The following WWOX variants were observed in gnomAD, a reference collection of about 807,000 sequenced individuals.
The protein encoded by WWOX is WW domain containing oxidoreductase.
Under a neutral mutation model 46.2 loss-of-function variants are expected in WWOX, and 69 were observed. The ratio of observed to expected loss-of-function variants is 1.49; its 90% CI spans 1.23 to 1.82. WWOX has a LOEUF of 1.82. Among genes scored for constraint, WWOX ranks in the 40% most tolerant of loss-of-function variants. The pLI is 0.00. For synonymous variants in WWOX, 359 were observed against 202.6 expected, an observed-to-expected ratio of 1.77 and a Z score of -6.56; for missense variants, 919 against 542.6, an observed-to-expected ratio of 1.69 and a Z score of -6.89.
chr16:78,739,422 C>G (rs1313960425), intron 8 of WWOX, among the ~76,000 whole-genome samples: 1 of 152,168 alleles, frequency 6.6e-6, no homozygotes, highest in African/African-American at 2.4e-5. Flanking sequence ...TCAGAAGGCA[C>G]ACTACACATC....
intron 8 of WWOX, among the ~76,000 whole-genome samples, chr16:78,899,892 T>A (rs917525608): frequency 2.0e-5 from 3 of 152,164 alleles, no homozygotes; most frequent in Non-Finnish European, 4.4e-5. Context: ...TTAACACTTG[T>A]TCCTCTCTGT....
At chr16:78,629,150 C>A (rs1015098619) in intron 8 of WWOX, among the ~76,000 whole-genome samples, 3 of 152,008 alleles carry the variant, frequency 2.0e-5, no homozygotes, top group Admixed American at 2.0e-4. Context: ...CACCACTGCT[C>A]GCATTCCCAT....
rs1269021259 is a variant in WWOX at position 78,617,294 on chromosome 16, T to TA, written c.1056+184543dup. Among the ~76,000 whole-genome samples, 16 of 151,342 alleles carry TA rather than the reference T, an allele frequency of 1.1e-4. No individual in the cohort carries two copies. The East Asian group carries it at 2.9e-3, about 28-fold the overall frequency. Reference sequence around the variant, plus strand: ...GCGTGCACCTGTGGCCTCAGCTACTTAGGAGGCTGAGGTGGAAGGATCACT... The same window carrying TA: ...GCGTGCACCTGTGGCCTCAGCTACTTAAGGAGGCTGAGGTGGAAGGATCACT... On this transcript the variant is annotated intron_variant, in intron 8 of 8. Transcript: ENST00000566780.
chr16:79,130,652 C>G (rs765469035), intron 8 of WWOX, among the ~76,000 whole-genome samples: 1 of 152,188 alleles, frequency 6.6e-6, no homozygotes, highest in Non-Finnish European at 1.5e-5. Context: ...AAGCCAAGAA[C>G]AAATTAACCC....
chr16:78,173,841 C>T (rs1338351793), intron 5 of WWOX, among the ~76,000 whole-genome samples: 1 of 152,124 alleles, frequency 6.6e-6, no homozygotes, highest in African/African-American at 2.4e-5. Flanking sequence ...GTTCTAGAGG[C>T]TGGAAGTCCG....
At chr16:78,922,477 C>T (rs915124900) in intron 8 of WWOX, among the ~76,000 whole-genome samples, 2 of 151,150 alleles carry the variant, frequency 1.3e-5, no homozygotes, top group African/African-American at 4.9e-5. Flanking sequence ...CTCCCGGGTT[C>T]AAGCGATTCT....
rs2050138729 is a variant in WWOX, at chr16:78,774,477, G to C, written c.1056+341725G>C. ...GTGTCTCATGTCATTTTTTCGGGCA[G>C]TTTCTTGACAGACCCATTTTGTGTG... On this transcript the variant is annotated intron_variant, in intron 8 of 8. Coordinates refer to ENST00000566780, the MANE Select transcript of WWOX (RefSeq NM_016373.4). Among the ~76,000 whole-genome samples the C allele has an allele frequency of 3.3e-5, 5 of 151,322 alleles. No individual in the cohort carries two copies. The South Asian group carries it at 1.1e-3, about 32-fold the overall frequency.
intron 8 of WWOX, among the ~76,000 whole-genome samples, chr16:78,765,069 C>A (rs1343056274): frequency 1.3e-5 from 2 of 152,174 alleles, no homozygotes; most frequent in Non-Finnish European, 2.9e-5. Flanking sequence ...GTCTCAGCAT[C>A]TCGAAATGAG....
At chr16:78,451,972 A>G (rs78209057) in intron 8 of WWOX, among the ~76,000 whole-genome samples, 2,580 of 152,314 alleles carry the variant, frequency 0.017, 80 homozygotes, top group African/African-American at 0.059. Flanking sequence ...TTCAGGTCAT[A>G]TTAATGCAAT....
At position 78,806,319 on chromosome 16, in the gene WWOX, A is replaced by G. The variant is rs73575686; in HGVS notation, c.1056+373567A>G. On this transcript the variant is annotated intron_variant, in intron 8 of 8. Transcript: ENST00000566780. ...TCCCTATTCTTTAGAGTTTCATTAAAGTTTGACTATATTCCAGTAACAATT... is the reference window on the plus strand; with the variant it reads ...TCCCTATTCTTTAGAGTTTCATTAAGGTTTGACTATATTCCAGTAACAATT... 6.8e-3 allele frequency among the ~76,000 whole-genome samples: 1,033 copies of G among 152,322 alleles called. 15 individuals are homozygous for G. Among genetic ancestry groups the G allele is most frequent in the African/African-American group, 0.024 (991 of 41,576 alleles).
intron 8 of WWOX, among the ~76,000 whole-genome samples, chr16:78,568,579 G>A (rs913040306): frequency 6.7e-6 from 1 of 150,346 alleles, no homozygotes; most frequent in African/African-American, 2.5e-5. Flanking sequence ...GGATTCAAGC[G>A]AGTTTCCTGC....
chr16:79,146,848 TA>T (rs1310250309), intron 8 of WWOX, among the ~76,000 whole-genome samples: 1 of 152,150 alleles, frequency 6.6e-6, no homozygotes. Flanking sequence ...GTGTGAGGTT[TA>T]AGGAGGTTGG....
intron 8 of WWOX, among the ~76,000 whole-genome samples, chr16:78,919,481 T>C (rs1421679973): frequency 6.6e-6 from 1 of 151,828 alleles, no homozygotes; most frequent in Non-Finnish European, 1.5e-5. Flanking sequence ...TCAGTCCCCT[T>C]AAGTGGCTTT....
intron 8 of WWOX, among the ~76,000 whole-genome samples, chr16:78,722,581 T>C (rs1397188682): frequency 6.6e-6 from 1 of 151,954 alleles, no homozygotes; most frequent in African/African-American, 2.4e-5. Context: ...CCAGTAGCTG[T>C]AGAATTTGTG....
intron 8 of WWOX, among the ~76,000 whole-genome samples, chr16:79,084,885 C>G (rs144767218): frequency 6.6e-6 from 1 of 152,144 alleles, no homozygotes; most frequent in African/African-American, 2.4e-5. Context: ...TTTACAGACA[C>G]GGTCACCCTG....
Position 79,071,224 on chromosome 16 carries a change from T to C in WWOX, c.1057-140384T>C, listed in dbSNP as rs563216653. On this transcript the variant is annotated intron_variant, in intron 8 of 8. Transcript: ENST00000566780. ...TGTTGTTCAGGTGAGTCTCACATTGTACTCCTCTCCTAAGAGCATTTATTA... is the reference window on the plus strand; with the variant it reads ...TGTTGTTCAGGTGAGTCTCACATTGCACTCCTCTCCTAAGAGCATTTATTA... Among the ~76,000 whole-genome samples, 32 of 152,372 alleles carry C rather than the reference T, an allele frequency of 2.1e-4. No individual in the cohort carries two copies. The South Asian group carries it at 6.6e-3, about 32-fold the overall frequency.
At chr16:78,774,641 G>C (rs1249060909) in intron 8 of WWOX, among the ~76,000 whole-genome samples, 1 of 152,038 alleles carries the variant, frequency 6.6e-6, no homozygotes, top group African/African-American at 2.4e-5. Context: ...TTAACCATGA[G>C]GTGCTCCCAG....
chr16:78,694,921 T>G (rs928076579), intron 8 of WWOX, among the ~76,000 whole-genome samples: 16 of 152,160 alleles, frequency 1.1e-4, no homozygotes, highest in Admixed American at 1.0e-3. Context: ...TCCTTCAGTT[T>G]CCCATAAATT....
chr16:78,426,908 T>A (rs1162116433), intron 7 of WWOX, among the ~76,000 whole-genome samples: 1 of 152,208 alleles, frequency 6.6e-6, no homozygotes, highest in Non-Finnish European at 1.5e-5. Context: ...GTGATCCGCC[T>A]GCCTTGGCTT....
Sources: gnomAD v4.1 joint callset for allele counts (sites outside exome capture counted in the v4.1 genomes callset) on GRCh38, gnomAD v4.1.1 for gene constraint, MANE v1.5 for transcripts, NCBI Gene and HGNC (gene_info 2026-07-23, HGNC 2026-07-21) for gene names.